The following POF1B variants were observed in gnomAD, a reference collection of about 807,000 sequenced individuals.
The protein encoded by POF1B is protein POF1B.
Under a neutral mutation model 55.3 loss-of-function variants are expected in POF1B, and 53 were observed. The ratio of observed to expected loss-of-function variants is 0.96; its 90% CI spans 0.77 to 1.20. POF1B has a LOEUF of 1.20. Among genes scored for constraint, POF1B ranks in the 50% most tolerant of loss-of-function variants. The pLI, the probability that POF1B is intolerant of heterozygous loss-of-function variation, is 0.00. For missense variants in POF1B, 478 were observed against 420.5 expected, an observed-to-expected ratio of 1.14 and a Z score of -1.20; for synonymous variants, 188 against 148.3, an observed-to-expected ratio of 1.27 and a Z score of -1.95.
chrX:85,350,867 C>T (rs1462079530), intron 5 of POF1B, among the ~76,000 whole-genome samples: 2 of 111,193 alleles, frequency 1.8e-5, no homozygotes, highest in Non-Finnish European at 3.8e-5. Flanking sequence ...CTTGGTCTGT[C>T]GATTTGAGCT....
chrX:85,290,446 CT>C (rs776271399), intron 15 of POF1B, among the ~76,000 whole-genome samples: 1 of 110,712 alleles, frequency 9.0e-6, no homozygotes, highest in East Asian at 2.8e-4. Flanking sequence ...GGGTAGAATG[CT>C]TTTTTTTACT....
chrX:85,346,017 TG>T lies in POF1B; in HGVS notation c.565del (p.His189IlefsTer54). 7 of 1,198,477 alleles carry T rather than the reference TG, an allele frequency of 5.8e-6. No individual in the cohort carries two copies. The highest frequency in any genetic ancestry group is 7.9e-6 in the Non-Finnish European group (7 of 888,427). ...CTGGGGCTGTTGGATAATGTGATGA[TG>T]GCATTGAGCCTGAGGATGGCACCCC... ...DQGCHPQAQC[H>X]HHIIQQPQVI... On this transcript the variant is annotated frameshift_variant, in exon 6 of 17. Coordinates refer to ENST00000262753, the MANE Select transcript of POF1B (RefSeq NM_024921.4). LOFTEE classifies it high-confidence loss of function.
At chrX:85,336,622 T>TA (rs1357004504) in intron 6 of POF1B, among the ~76,000 whole-genome samples, 4 of 111,599 alleles carry the variant, frequency 3.6e-5, no homozygotes, top group African/African-American at 1.3e-4. Context: ...GAGAAATCTC[T>TA]ACTCAGATAT....
intron 15 of POF1B, among the ~76,000 whole-genome samples, chrX:85,298,987 A>G (rs1352626604): frequency 4.6e-5 from 5 of 109,614 alleles, no homozygotes; most frequent in African/African-American, 1.7e-4. Context: ...GCTCTATGCC[A>G]TAAAAGAAAA....
Position 85,367,691 on chromosome X carries a change from C to T in POF1B, c.357+1G>A. On this transcript the variant is annotated splice_donor_variant, in intron 3 of 16. Transcript: ENST00000262753. LOFTEE classifies it high-confidence loss of function. ...CTAATGTAATTCACAACTTCTTTTA[C>T]CTGTTCAGTATTTTGGGTTATATGT... 1 of 1,150,142 alleles carries T rather than the reference C, an allele frequency of 8.7e-7. No homozygotes were observed. The highest frequency in any genetic ancestry group is 1.2e-6 in the Non-Finnish European group (1 of 846,101). The allele number at this position is 1,150,142 out of a possible 1,213,427, so 94.8% of individuals were successfully genotyped here. A position where few individuals can be genotyped will look rare whatever the true frequency, so the allele number is the denominator to read the frequency against.
intron 13 of POF1B, 31 bp from the exon 14 acceptor site, chrX:85,304,502 A>G: frequency 1.1e-6 from 1 of 894,119 alleles, no homozygotes; most frequent in South Asian, 3.9e-5. Context: ...AAATATTATT[A>G]TAATCTTCAT....
intron 15 of POF1B, among the ~76,000 whole-genome samples, chrX:85,298,560 A>C: frequency 9.0e-6 from 1 of 111,557 alleles, no homozygotes; most frequent in East Asian, 2.8e-4. Context: ...TTACCTATCA[A>C]ATCTCAGTGT....
At chrX:85,325,069 C>G (rs1179973418) in intron 7 of POF1B, among the ~76,000 whole-genome samples, 2 of 111,794 alleles carry the variant, frequency 1.8e-5, no homozygotes, top group Non-Finnish European at 3.8e-5. Context: ...TGCTGCTGGC[C>G]CAATGAGATT....
chrX:85,358,178 A>G (rs149274169), intron 4 of POF1B, among the ~76,000 whole-genome samples: 1 of 111,844 alleles, frequency 8.9e-6, no homozygotes, highest in Non-Finnish European at 1.9e-5. Context: ...AACAATGCTA[A>G]TATCAAGGTT....
At chrX:85,297,146 T>G (rs776401302) in intron 15 of POF1B, among the ~76,000 whole-genome samples, 51 of 112,195 alleles carry the variant, frequency 4.5e-4, no homozygotes, top group Middle Eastern at 4.6e-3. Flanking sequence ...ACTGGATACC[T>G]TGGATTGGGT....
intron 7 of POF1B, among the ~76,000 whole-genome samples, chrX:85,328,999 G>A (rs764173435): frequency 2.7e-5 from 3 of 111,356 alleles, no homozygotes; most frequent in Non-Finnish European, 1.9e-5. Flanking sequence ...TTAATGCACC[G>A]AAGTAGAGCA....
intron 15 of POF1B, among the ~76,000 whole-genome samples, chrX:85,300,555 T>C (rs1459761701): frequency 2.7e-5 from 3 of 112,040 alleles, no homozygotes; most frequent in Non-Finnish European, 5.6e-5. Context: ...CAGCAAATAA[T>C]AGCAACAATG....
In POF1B at chrX:85,305,806, C is replaced by A; in HGVS notation, c.1422G>T (p.Glu474Asp). Residue 474 changes from glutamate (E) to aspartate (D), a missense_variant, in exon 13 of 17, where the codon GAG becomes GAT. Coordinates refer to ENST00000262753, the MANE Select transcript of POF1B (RefSeq NM_024921.4). ...VKNLRMEKDR[E>D]ICRLRSQLNQ... ...ATCAACATACCCTCAGTCTGCAGATCTCTCTATCTTTCTCCATTCTCAAGT... is the reference window on the plus strand; with the variant it reads ...ATCAACATACCCTCAGTCTGCAGATATCTCTATCTTTCTCCATTCTCAAGT... 1 of 1,207,184 alleles carries A rather than the reference C, an allele frequency of 8.3e-7. No homozygotes were observed. Among genetic ancestry groups the A allele is most frequent in the Middle Eastern group, 2.3e-4 (1 of 4,338 alleles).
chrX:85,347,008 T>G (rs73513684), intron 5 of POF1B, among the ~76,000 whole-genome samples: 4,106 of 110,937 alleles, frequency 0.037, 159 homozygotes, highest in African/African-American at 0.11. Context: ...ATTCTGGAAT[T>G]TGTTGTTTTT....
intron 4 of POF1B, among the ~76,000 whole-genome samples, chrX:85,357,728 T>C (rs1312050484): frequency 9.0e-6 from 1 of 110,898 alleles, no homozygotes; most frequent in Non-Finnish European, 1.9e-5. Flanking sequence ...AGTAGACATT[T>C]CTCAAGGTTC....
intron 2 of POF1B, 150 bp downstream of exon 2, chrX:85,379,023 G>A: frequency 1.6e-6 from 1 of 613,830 alleles, no homozygotes; most frequent in Non-Finnish European, 2.5e-6. Flanking sequence ...TAACAGCCAA[G>A]AGATGAATTT....
chrX:85,368,044 T>C (rs1193598787), intron 2 of POF1B, among the ~76,000 whole-genome samples: 4 of 112,137 alleles, frequency 3.6e-5, no homozygotes, highest in African/African-American at 9.7e-5. Context: ...AACTCTGCAT[T>C]CATATACACC....
chrX:85,342,460 G>T (rs1933191026), intron 6 of POF1B, among the ~76,000 whole-genome samples: 1 of 111,221 alleles, frequency 9.0e-6, no homozygotes, highest in South Asian at 3.7e-4. Context: ...CATCTGCTAT[G>T]TACTTGACAC....
At chrX:85,371,429 C>T (rs1032642814) in intron 2 of POF1B, among the ~76,000 whole-genome samples, 11 of 110,812 alleles carry the variant, frequency 9.9e-5, no homozygotes, top group Non-Finnish European at 1.7e-4. Context: ...TCAAAATAAC[C>T]CCATAAAGAA....
Sources: allele counts gnomAD v4.1 joint callset (sites outside exome capture counted in the v4.1 genomes callset), GRCh38; gene constraint gnomAD v4.1.1; transcripts MANE v1.5; gene names NCBI Gene and HGNC (gene_info 2026-07-23, HGNC 2026-07-21).